Variants in ARFGEF3 observed in about 807,000 individuals in gnomAD.
The protein encoded by ARFGEF3 is ARFGEF family member 3.
Under a neutral mutation model 221.7 loss-of-function variants are expected in ARFGEF3, and 96 were observed. The observed-to-expected ratio is 0.43, with a 90% confidence interval of 0.37 to 0.51. ARFGEF3 has a LOEUF of 0.51. Ranked by LOEUF, ARFGEF3 falls within the 20% of genes least tolerant of loss-of-function variation. The pLI is 0.00. For synonymous variants in ARFGEF3, 1,145 were observed against 1,126.8 expected (o/e 1.02, Z -0.32); for missense variants, 2,410 against 2,789.9 (o/e 0.86, Z 3.07).
intron 4 of ARFGEF3, among the ~76,000 whole-genome samples, chr6:138,221,888 T>C (rs1777989275): frequency 6.6e-6 from 1 of 152,194 alleles, no homozygotes; most frequent in Non-Finnish European, 1.5e-5. Context: ...TCTCTCAGAA[T>C]AGCTGTTTGC....
Position 138,311,389 on chromosome 6 carries a change from C to T in ARFGEF3, c.4097-18C>T. ...CAAGGGTAACACTGTTGGTCTCTGT[C>T]TCCCGTGCCGCCCCTAGGGGAGGTG... On this transcript the variant is annotated intron_variant, in intron 24 of 33. Transcript: ENST00000251691. The T allele has an allele frequency of 6.4e-7, 1 of 1,555,524 alleles. No homozygotes were observed. Among genetic ancestry groups the T allele is most frequent in the Non-Finnish European group, 8.8e-7 (1 of 1,139,820 alleles).
At chr6:138,214,563 G>A (rs1187672485) in intron 4 of ARFGEF3, among the ~76,000 whole-genome samples, 14 of 152,168 alleles carry the variant, frequency 9.2e-5, no homozygotes, top group African/African-American at 7.2e-5. Context: ...TAGATCATGC[G>A]TTTTATTCAC....
intron 2 of ARFGEF3, among the ~76,000 whole-genome samples, chr6:138,184,293 C>G (rs1252001329): frequency 1.3e-5 from 2 of 152,108 alleles, no homozygotes; most frequent in African/African-American, 4.8e-5. Flanking sequence ...TTCCCCCAAA[C>G]AATGTAGTCC....
At chr6:138,237,404 G>A (rs1195793249) in intron 5 of ARFGEF3, among the ~76,000 whole-genome samples, 1 of 152,102 alleles carries the variant, frequency 6.6e-6, no homozygotes, top group East Asian at 1.9e-4. Context: ...AAAAAAAGTA[G>A]GCAAATTTAC....
chr6:138,322,180 G>A (rs139709602), intron 29 of ARFGEF3, among the ~76,000 whole-genome samples: 304 of 152,214 alleles, frequency 2.0e-3, no homozygotes, highest in African/African-American at 6.9e-3. Flanking sequence ...AAGTAAGAGG[G>A]TACTTTGCCT....
chr6:138,334,900 C>A lies in ARFGEF3; in HGVS notation c.6054C>A (p.Ala2018=). 1 of 1,591,386 alleles carries A rather than the reference C, an allele frequency of 6.3e-7. No homozygotes were observed. Among genetic ancestry groups the A allele is most frequent in the Non-Finnish European group, 8.5e-7 (1 of 1,169,722 alleles). The part of the protein sequence containing the change: ...NAGNKIYTMA[A]DKTISKLMTE... ...GGAACAAAATCTACACCATGGCAGC[C>A]GACAAGACCATTTCAAAGTTGATGA... Residue 2018 remains alanine, a synonymous_variant, in exon 33 of 34, where the codon GCC becomes GCA. Transcript: ENST00000251691. The surrounding 1 kb of genome is among the most constrained non-coding windows in gnomAD (Gnocchi z 5.1).
At chr6:138,250,436 G>C (rs1212455633) in intron 8 of ARFGEF3, among the ~76,000 whole-genome samples, 1 of 152,202 alleles carries the variant, frequency 6.6e-6, no homozygotes, top group Non-Finnish European at 1.5e-5. Context: ...GAGAATGTTA[G>C]AGCGAAACCT....
At chr6:138,328,435 G>A (rs184403017) in intron 32 of ARFGEF3, among the ~76,000 whole-genome samples, 161 of 152,174 alleles carry the variant, frequency 1.1e-3, no homozygotes, top group Non-Finnish European at 1.7e-3. Flanking sequence ...GGTTTCCTCC[G>A]AGGTCTATCT....
At chr6:138,166,347 A>T (rs80006912) in intron 1 of ARFGEF3, among the ~76,000 whole-genome samples, 4,350 of 152,322 alleles carry the variant, frequency 0.029, 178 homozygotes, top group African/African-American at 0.092. Flanking sequence ...CTATCCGGAG[A>T]TAACACTGTT....
At chr6:138,254,590 C>CA (rs1490043463) in intron 9 of ARFGEF3, among the ~76,000 whole-genome samples, 1 of 151,892 alleles carries the variant, frequency 6.6e-6, no homozygotes, top group Non-Finnish European at 1.5e-5. Flanking sequence ...ATTAGCTGGG[C>CA]ATGGTGGCGG....
At chr6:138,199,467 A>C (rs936131035) in intron 2 of ARFGEF3, among the ~76,000 whole-genome samples, 12 of 152,218 alleles carry the variant, frequency 7.9e-5, no homozygotes, top group Non-Finnish European at 1.3e-4. Context: ...GGGGTTACTT[A>C]AAGTTCGCAT....
At chr6:138,244,992 G>A (rs756426589) in intron 7 of ARFGEF3, among the ~76,000 whole-genome samples, 4 of 152,072 alleles carry the variant, frequency 2.6e-5, no homozygotes, top group Admixed American at 1.3e-4. Flanking sequence ...TATCTTTTGC[G>A]TGTTTTGCTT....
intron 2 of ARFGEF3, among the ~76,000 whole-genome samples, chr6:138,200,916 A>G (rs921121586): frequency 4.6e-5 from 7 of 152,246 alleles, no homozygotes; most frequent in African/African-American, 1.7e-4. Context: ...AAATCTTCAC[A>G]ATCTATACAT....
At chr6:138,336,015 G>GTTGT (rs1276272106) in intron 33 of ARFGEF3, among the ~76,000 whole-genome samples, 4 of 152,148 alleles carry the variant, frequency 2.6e-5, no homozygotes, top group African/African-American at 9.6e-5. Flanking sequence ...GTTTGTTGTT[G>GTTGT]TTGTTGTTTT....
chr6:138,343,197 A>G lies in ARFGEF3; in HGVS notation c.*6711A>G, dbSNP rs1405860065. ...GACCATACAGAGAATGATTTAAGAA[A>G]AAACAAGTCACTTAAAAATCATCAC... On this transcript the variant is annotated 3_prime_UTR_variant, in exon 34 of 34. Coordinates refer to ENST00000251691, the MANE Select transcript of ARFGEF3 (RefSeq NM_020340.5). The G allele has an allele frequency of 6.6e-6, 1 of 152,238 alleles. No individual in the cohort carries two copies. The highest frequency in any genetic ancestry group is 2.4e-5 in the African/African-American group (1 of 41,470). The allele number at this position is 152,238 out of a possible 1,614,324, so 9.4% of individuals were successfully genotyped here.
chr6:138,235,409 G>A (rs1778267289), intron 5 of ARFGEF3, among the ~76,000 whole-genome samples: 2 of 152,174 alleles, frequency 1.3e-5, no homozygotes, highest in African/African-American at 4.8e-5. Context: ...CTCTGGCAGA[G>A]GTGCAGGACT....
intron 2 of ARFGEF3, among the ~76,000 whole-genome samples, chr6:138,174,066 T>G (rs1043411540): frequency 1.3e-5 from 2 of 152,164 alleles, no homozygotes; most frequent in Non-Finnish European, 2.9e-5. Context: ...AGGTGTTTTT[T>G]TAAAAACAAT....
At chr6:138,189,293 A>G (rs1777248790) in intron 2 of ARFGEF3, among the ~76,000 whole-genome samples, 1 of 152,238 alleles carries the variant, frequency 6.6e-6, no homozygotes, top group African/African-American at 2.4e-5. Flanking sequence ...TAGAAAATTC[A>G]AAAGCCTAGG....
chr6:138,230,649 G>A (rs944639787), intron 5 of ARFGEF3, among the ~76,000 whole-genome samples: 3 of 152,172 alleles, frequency 2.0e-5, no homozygotes, highest in Admixed American at 6.5e-5. Context: ...ATGGTATCAT[G>A]TGGTATTAAA....
Sources: allele counts gnomAD v4.1 joint callset (sites outside exome capture counted in the v4.1 genomes callset), GRCh38; gene constraint gnomAD v4.1.1; non-coding constraint Gnocchi (gnomAD v3.1); transcripts MANE v1.5; gene names NCBI Gene and HGNC (gene_info 2026-07-23, HGNC 2026-07-21).